ATL3: variants seen among roughly 807,000 people sequenced by gnomAD.
The protein encoded by ATL3 is atlastin GTPase 3, also known as atlastin-3.
ATL3 carries 49 observed loss-of-function variants against 69.5 expected under a neutral mutation model. That is an observed-to-expected ratio of 0.71 (90% CI 0.56 to 0.89). The LOEUF is 0.89. Ranked by LOEUF, ATL3 falls within the 40% of genes least tolerant of loss-of-function variation. ATL3 has a pLI of 0.00. For synonymous variants in ATL3, 214 were observed against 224.1 expected, an observed-to-expected ratio of 0.95 and a Z score of 0.40; for missense variants, 606 against 645.7, an observed-to-expected ratio of 0.94 and a Z score of 0.67.
At position 63,625,476 on chromosome 11, in the gene ATL3, CTG is replaced by C. The variant is rs896498052; in HGVS notation, c.*3841_*3842del. 20 of 152,164 alleles carry C rather than the reference CTG, an allele frequency of 1.3e-4. No individual in the cohort carries two copies. The South Asian group carries it at 1.7e-3, about 13-fold the overall frequency. The allele number at this position is 152,164 out of a possible 1,614,324, so 9.4% of individuals were successfully genotyped here. On this transcript the variant is annotated 3_prime_UTR_variant, in exon 13 of 13. Coordinates refer to ENST00000398868, the MANE Select transcript of ATL3 (RefSeq NM_015459.5). ...TTTTTAAAAAATTAAAAAATTAAAACTGTTTTATTGCTTTTGCATGGACTTGA... is the reference window on the plus strand; with the variant it reads ...TTTTTAAAAAATTAAAAAATTAAAACTTTTATTGCTTTTGCATGGACTTGA...
chr11:63,671,561 G>A, upstream of ATL3: 1 of 1,424,136 alleles, frequency 7.0e-7, no homozygotes. Flanking sequence ...GGCTAGGCGA[G>A]GCGGGGCGGG....
intron 11 of ATL3, chr11:63,632,481 T>C (rs945342598): frequency 4.7e-6 from 4 of 859,148 alleles, no homozygotes; most frequent in Non-Finnish European, 6.1e-6. Context: ...GAGTAACTGG[T>C]TTGGAAGGAG....
chr11:63,656,555 G>T (rs908319751), intron 3 of ATL3, among the ~76,000 whole-genome samples: 2 of 151,474 alleles, frequency 1.3e-5, no homozygotes, highest in African/African-American at 4.9e-5. Flanking sequence ...CCAATATGGC[G>T]AAACCCCGTC....
At chr11:63,644,020 GAATA>G (rs998008018) in intron 7 of ATL3, 145 bp downstream of exon 7, 5 of 603,358 alleles carry the variant, frequency 8.3e-6, no homozygotes, top group Admixed American at 3.4e-5. Flanking sequence ...ATCTTGTCAA[GAATA>G]AATATTAGCT....
Position 63,627,049 on chromosome 11 carries a change from T to A in ATL3, c.*2270A>T, listed in dbSNP as rs1259981780. On this transcript the variant is annotated 3_prime_UTR_variant, in exon 13 of 13. Coordinates refer to ENST00000398868, the MANE Select transcript of ATL3 (RefSeq NM_015459.5). ...TTTAAATAGTAACTGAATCTTAAGA[T>A]TTCATTAAATCATACATTATCACTT... 2.0e-5 allele frequency: 3 copies of A among 152,174 alleles called. No homozygotes were observed. Among genetic ancestry groups the A allele is most frequent in the African/African-American group, 7.2e-5 (3 of 41,428 alleles). 9.4% of individuals were successfully genotyped at this position (152,174 alleles called of 1,614,324 possible).
intron 3 of ATL3, among the ~76,000 whole-genome samples, chr11:63,653,536 C>T (rs1395457879): frequency 6.6e-6 from 1 of 151,622 alleles, no homozygotes. Context: ...CAAAAACCAA[C>T]ACATGAGTAT....
chr11:63,651,050 T>C (rs367713580), intron 5 of ATL3, among the ~76,000 whole-genome samples: 11 of 152,144 alleles, frequency 7.2e-5, no homozygotes, highest in Non-Finnish European at 4.4e-5. Flanking sequence ...CTTTCTTGAA[T>C]GTCAGTGGGA....
chr11:63,640,325 T>C (rs1354513995), intron 8 of ATL3, among the ~76,000 whole-genome samples: 1 of 152,122 alleles, frequency 6.6e-6, no homozygotes, highest in Non-Finnish European at 1.5e-5. Flanking sequence ...TCTCACTCTG[T>C]CACCCAGGCT....
chr11:63,632,121 T>C (rs1939341315), intron 11 of ATL3: 1 of 360,386 alleles, frequency 2.8e-6, no homozygotes, highest in Non-Finnish European at 5.4e-6. Context: ...CTTTGAGACA[T>C]GCTTTAATTT....
At chr11:63,630,974 T>C in intron 12 of ATL3, 66 bp downstream of exon 12, 2 of 1,492,130 alleles carry the variant, frequency 1.3e-6, no homozygotes, top group Non-Finnish European at 1.8e-6. Context: ...AACTGAGATA[T>C]TTTACAACAG....
At chr11:63,651,405 TA>T (rs879686827) in intron 5 of ATL3, among the ~76,000 whole-genome samples, 2,386 of 136,744 alleles carry the variant, frequency 0.017, 32 homozygotes, top group Non-Finnish European at 0.024. Context: ...GACTTCGTCT[TA>T]AAAAAAAAAA....
At position 63,627,850 on chromosome 11, in the gene ATL3, C is replaced by T. The variant is rs959992502; in HGVS notation, c.*1469G>A. The T allele has an allele frequency of 1.3e-5, 2 of 152,106 alleles. No individual in the cohort carries two copies. Among genetic ancestry groups the T allele is most frequent in the African/African-American group, 2.4e-5 (1 of 41,432 alleles). The allele number at this position is 152,106 out of a possible 1,614,324, so 9.4% of individuals were successfully genotyped here. ...CTAAGGCAAAGCTATCTTAAAGCTACCAGACTAGCCAAAGTAAAATTAAAT... is the reference window on the plus strand; with the variant it reads ...CTAAGGCAAAGCTATCTTAAAGCTATCAGACTAGCCAAAGTAAAATTAAAT... On this transcript the variant is annotated 3_prime_UTR_variant, in exon 13 of 13. Transcript: ENST00000398868.
intron 6 of ATL3, 91 bp from the exon 7 acceptor site, chr11:63,644,352 C>A: frequency 6.3e-5 from 39 of 616,268 alleles, no homozygotes; most frequent in Middle Eastern, 4.1e-4. Context: ...ATGCCAGCTT[C>A]TACAAAGGGG....
At chr11:63,663,450 TA>T (rs967484566) in intron 1 of ATL3, among the ~76,000 whole-genome samples, 4 of 152,236 alleles carry the variant, frequency 2.6e-5, no homozygotes, top group African/African-American at 9.6e-5. Context: ...TCCTACTTTT[TA>T]AGTTTTTGCA....
chr11:63,658,691 A>C, intron 3 of ATL3, 70 bp downstream of exon 3: 1 of 1,494,724 alleles, frequency 6.7e-7, no homozygotes, highest in Non-Finnish European at 8.9e-7. Context: ...AATTGGGTTA[A>C]CACAGTACAT....
At chr11:63,630,425 T>C (rs1447033816) in intron 12 of ATL3, among the ~76,000 whole-genome samples, 4 of 41,834 alleles carry the variant, frequency 9.6e-5, no homozygotes, top group Non-Finnish European at 1.4e-4. Flanking sequence ...AAAATCTGTC[T>C]CAAAAAAAAA....
chr11:63,651,450 T>A (rs550629), intron 5 of ATL3, among the ~76,000 whole-genome samples: 17,841 of 150,588 alleles, frequency 0.12, 1,168 homozygotes, highest in Middle Eastern at 0.17. Flanking sequence ...GCCAGAATGA[T>A]CCCTTTACAA....
rs1349007558 is a variant in ATL3 at position 63,626,954 on chromosome 11, A to T, written c.*2365T>A. 1 of 152,084 alleles carries T rather than the reference A, an allele frequency of 6.6e-6. No individual in the cohort carries two copies. The highest frequency in any genetic ancestry group is 1.5e-5 in the Non-Finnish European group (1 of 68,006). 9.4% of individuals were successfully genotyped at this position (152,084 alleles called of 1,614,324 possible). On this transcript the variant is annotated 3_prime_UTR_variant, in exon 13 of 13. Coordinates refer to ENST00000398868, the MANE Select transcript of ATL3 (RefSeq NM_015459.5). ...GAAGCAGAACTAAGAAAAAAAAAAA[A>T]TGGTGAAGAGGACTTCCTCTGGATA...
chr11:63,648,620 C>T (rs1939967049), intron 5 of ATL3, among the ~76,000 whole-genome samples: 1 of 152,170 alleles, frequency 6.6e-6, no homozygotes, highest in Non-Finnish European at 1.5e-5. Context: ...ACCAGCCTGG[C>T]CAACATGGCG....
Sources: allele counts gnomAD v4.1 joint callset (sites outside exome capture counted in the v4.1 genomes callset), GRCh38; gene constraint gnomAD v4.1.1; transcripts MANE v1.5; gene names NCBI Gene and HGNC (gene_info 2026-07-23, HGNC 2026-07-21).